HBP1: variants seen among roughly 807,000 people sequenced by gnomAD.
The protein encoded by HBP1 is HMG box-containing protein 1.
In HBP1, 20 loss-of-function variants were observed where a neutral mutation model predicts 62.6. The observed-to-expected ratio is 0.32, with a 90% CI of 0.22 to 0.46. The LOEUF (loss-of-function observed/expected upper bound fraction) is 0.46, where lower values mean the gene tolerates loss of function less well. HBP1 is among the 20% of genes least tolerant of loss of function. HBP1 has a pLI of 1.00. For synonymous variants in HBP1, 232 were observed against 206.2 expected, an observed-to-expected ratio of 1.12 and a Z score of -1.07; for missense variants, 480 against 611.8, an observed-to-expected ratio of 0.78 and a Z score of 2.27.
chr7:107,182,610 A>G lies in HBP1; in HGVS notation c.398+9A>G, dbSNP rs768103356. ...TGCTCATTTTACAATAGGTAGGAGC[A>G]TTTATTATATTTTTATTGAAACATT... On this transcript the variant is annotated intron_variant, in intron 3 of 10. Transcript: ENST00000222574. 2 of 1,398,220 alleles carry G rather than the reference A, an allele frequency of 1.4e-6. No homozygotes were observed. Among genetic ancestry groups the G allele is most frequent in the African/African-American group, 1.4e-5 (1 of 70,692 alleles). 86.6% of individuals were successfully genotyped at this position (1,398,220 alleles called of 1,614,324 possible).
Position 107,185,791 on chromosome 7 carries a change from T to A in HBP1, c.399-10T>A, listed in dbSNP as rs750253696. 1.2e-5 allele frequency: 19 copies of A among 1,609,064 alleles called. No homozygotes were observed. In the South Asian group the frequency reaches 1.5e-4, roughly 13 times the overall value. On this transcript the variant is annotated splice_polypyrimidine_tract_variant and intron_variant, in intron 3 of 10. Coordinates refer to ENST00000222574, the MANE Select transcript of HBP1 (RefSeq NM_012257.4). The stretch of plus-strand genomic sequence containing the variant: ...CTATGCTTATGGTTGAAACTGTTGC[T>A]TTATTTTAGATCATCTCCTGTACAC...
chr7:107,200,757 C>T (rs886117395), intron 10 of HBP1: 1 of 153,068 alleles, frequency 6.5e-6, no homozygotes, highest in South Asian at 2.1e-4. Context: ...GCCATTGGCA[C>T]AGAATTTCTA....
At chr7:107,183,506 A>G (rs74983157) in intron 3 of HBP1, among the ~76,000 whole-genome samples, 24,448 of 152,130 alleles carry the variant, frequency 0.16, 2,367 homozygotes, top group Non-Finnish European at 0.22. Flanking sequence ...TTCCGTGTTC[A>G]TTTCCACAGG....
intron 1 of HBP1, among the ~76,000 whole-genome samples, chr7:107,171,885 A>G (rs1432840764): frequency 6.6e-6 from 1 of 151,448 alleles, no homozygotes; most frequent in Non-Finnish European, 1.5e-5. Flanking sequence ...AAAAGAGTCA[A>G]TGCCAGGAAT....
At chr7:107,190,846 C>T (rs879388177) in intron 8 of HBP1, among the ~76,000 whole-genome samples, 4 of 152,150 alleles carry the variant, frequency 2.6e-5, no homozygotes, top group Non-Finnish European at 4.4e-5. Context: ...CCTGAGATCA[C>T]GTTGCTAGTA....
chr7:107,186,353 C>T lies in HBP1; in HGVS notation c.541-8C>T. On this transcript the variant is annotated splice_polypyrimidine_tract_variant and splice_region_variant and intron_variant, in intron 4 of 10. Coordinates refer to ENST00000222574, the MANE Select transcript of HBP1 (RefSeq NM_012257.4). ...AAATAAAAAAGTTGATAATATTTTT[C>T]TCCATAGGCAAATAGTGAGTCAGAA... 1 of 1,503,144 alleles carries T rather than the reference C, an allele frequency of 6.7e-7. No homozygotes were observed. The highest frequency in any genetic ancestry group is 9.1e-7 in the Non-Finnish European group (1 of 1,093,780). The allele number at this position is 1,503,144 out of a possible 1,614,324, so 93.1% of individuals were successfully genotyped here.
intron 3 of HBP1, among the ~76,000 whole-genome samples, chr7:107,185,326 T>G (rs1677483609): frequency 6.6e-6 from 1 of 152,154 alleles, no homozygotes; most frequent in Non-Finnish European, 1.5e-5. Flanking sequence ...CATTTTTGCT[T>G]AAGGTAGTTC....
Position 107,189,371 on chromosome 7 carries a change from T to A in HBP1, c.845T>A (p.Phe282Tyr). 6.2e-7 allele frequency: 1 copy of A among 1,612,752 alleles called. No homozygotes were observed. The change falls in exon 7 of 11, where the codon TTT (phenylalanine) becomes TAT (tyrosine). Residue 282 changes from phenylalanine to tyrosine, a missense_variant. This residue lies in a region of HBP1 where 304 missense variants were observed against 330.9 expected (regional missense o/e 0.92). Transcript: ENST00000222574. ...SFGESVLKLTFDPGTVEDGLL... is the reference protein window; with the variant it reads ...SFGESVLKLTYDPGTVEDGLL... ...GGCGAGTCTGTACTGAAGTTGACTT[T>A]TGATCCTGGTACAGTAGAAGATGGT...
chr7:107,186,088 T>G, intron 4 of HBP1, 146 bp downstream of exon 4: 1 of 630,142 alleles, frequency 1.6e-6, no homozygotes, highest in Non-Finnish European at 2.7e-6. Flanking sequence ...TAGGAAAGCT[T>G]ATTATTAATG....
intron 2 of HBP1, among the ~76,000 whole-genome samples, chr7:107,180,436 C>T (rs1190434749): frequency 1.3e-5 from 2 of 152,200 alleles, no homozygotes; most frequent in African/African-American, 2.4e-5. Flanking sequence ...TTACAGTGGA[C>T]CCTTGAAACT....
At chr7:107,171,289 C>G (rs1194427917) in intron 1 of HBP1, among the ~76,000 whole-genome samples, 5 of 151,010 alleles carry the variant, frequency 3.3e-5, no homozygotes, top group Non-Finnish European at 7.4e-5. Flanking sequence ...GCAGGATGGT[C>G]TCAATCTCCT....
In HBP1 at chr7:107,190,214, G is replaced by A. The variant is rs770126939; in HGVS notation, c.964G>A (p.Gly322Ser). The change falls in exon 8 of 11, where the codon GGC (glycine) becomes AGC (serine). Residue 322 changes from glycine (G) to serine (S), a missense_variant. Coordinates refer to ENST00000222574, the MANE Select transcript of HBP1 (RefSeq NM_012257.4). ...TCCAAGCTTGACTGTGGTACAGCATGGCATTCCATGTTGTGAAGTTCATAT... is the reference window on the plus strand; with the variant it reads ...TCCAAGCTTGACTGTGGTACAGCATAGCATTCCATGTTGTGAAGTTCATAT... ...FYPSLTVVQHGIPCCEVHIGD... is the reference protein window; with the variant it reads ...FYPSLTVVQHSIPCCEVHIGD... 4 of 1,611,886 alleles carry A rather than the reference G, an allele frequency of 2.5e-6. No individual in the cohort carries two copies. The highest frequency in any genetic ancestry group is 3.4e-6 in the Non-Finnish European group (4 of 1,178,382).
At chr7:107,180,891 T>G (rs1402607769) in intron 2 of HBP1, among the ~76,000 whole-genome samples, 1 of 152,128 alleles carries the variant, frequency 6.6e-6, no homozygotes, top group African/African-American at 2.4e-5. Flanking sequence ...AGTTTTTGGT[T>G]TAAGGAGGAA....
At chr7:107,190,547 C>T (rs567908949) in intron 8 of HBP1, among the ~76,000 whole-genome samples, 1 of 152,218 alleles carries the variant, frequency 6.6e-6, no homozygotes, top group Non-Finnish European at 1.5e-5. Flanking sequence ...GTTTATAAAA[C>T]ATTTAGGATT....
intron 1 of HBP1, among the ~76,000 whole-genome samples, chr7:107,177,238 C>G (rs988584309): frequency 1.1e-4 from 16 of 152,148 alleles, no homozygotes; most frequent in Admixed American, 6.5e-5. Context: ...TGAAGAGAAA[C>G]TCAGTCACTT....
rs1001465502 is a variant in HBP1 at position 107,189,899 on chromosome 7, C to T, written c.923-274C>T. Reference sequence around the variant, plus strand: ...GTCATTGTAGACTGATGGAAGTGCTCATTGTCATTGTAGACGGATGGAAGT... The same window carrying T: ...GTCATTGTAGACTGATGGAAGTGCTTATTGTCATTGTAGACGGATGGAAGT... On this transcript the variant is annotated intron_variant, in intron 7 of 10. Coordinates refer to ENST00000222574, the MANE Select transcript of HBP1 (RefSeq NM_012257.4). 10 of 299,826 alleles carry T rather than the reference C, an allele frequency of 3.3e-5. No individual in the cohort carries two copies. In the Admixed American group the frequency reaches 4.8e-4, roughly 14 times the overall value. 18.6% of individuals were successfully genotyped at this position (299,826 alleles called of 1,614,324 possible).
chr7:107,201,774 C>T lies in HBP1; in HGVS notation c.*343C>T, dbSNP rs534075932. 1.7e-3 allele frequency: 349 copies of T among 207,364 alleles called. 2 individuals carry two copies. The highest frequency in any genetic ancestry group is 1.7e-3 in the Non-Finnish European group (176 of 104,332). The allele number at this position is 207,364 out of a possible 1,614,324, so 12.8% of individuals were successfully genotyped here. On this transcript the variant is annotated 3_prime_UTR_variant, in exon 11 of 11. Transcript: ENST00000222574. ...TATACATGTTTTATTTTAAATTGTA[C>T]GAAAGGGGAATTTAAAAAATATGTA...
intron 2 of HBP1, among the ~76,000 whole-genome samples, chr7:107,181,395 C>T (rs974835196): frequency 2.6e-5 from 4 of 151,952 alleles, no homozygotes; most frequent in Non-Finnish European, 5.9e-5. Context: ...TCATTTGAGC[C>T]CAGGGGTCCA....
rs1009791925 is a variant in HBP1, at chr7:107,201,584, G to A, written c.*153G>A. 2.2e-6 allele frequency: 1 copy of A among 460,270 alleles called. No individual in the cohort carries two copies. The highest frequency in any genetic ancestry group is 3.4e-5 in the East Asian group (1 of 29,764). The allele number at this position is 460,270 out of a possible 1,614,324, so 28.5% of individuals were successfully genotyped here. The stretch of plus-strand genomic sequence containing the variant: ...GTCTTGAAATGATTTAATAATATGA[G>A]TGAGGATTTGCTTTCTCCATTAGAG... On this transcript the variant is annotated 3_prime_UTR_variant, in exon 11 of 11. Coordinates refer to ENST00000222574, the MANE Select transcript of HBP1 (RefSeq NM_012257.4).
Sources: gnomAD v4.1 joint callset for allele counts (sites outside exome capture counted in the v4.1 genomes callset) on GRCh38, gnomAD v4.1.1 for gene constraint, gnomAD v4.1.1 regional missense constraint, MANE v1.5 for transcripts, NCBI Gene and HGNC (gene_info 2026-07-23, HGNC 2026-07-21) for gene names.